The following LMOD1 variants were observed in gnomAD, a reference collection of about 807,000 sequenced individuals.
The protein encoded by LMOD1 is leiomodin-1.
LMOD1 carries 8 observed loss-of-function variants against 36.5 expected under a neutral mutation model. The ratio of observed to expected loss-of-function variants is 0.22; its 90% CI spans 0.13 to 0.40. The LOEUF is 0.40. Among genes scored for constraint, LMOD1 ranks in the 10% least tolerant of loss-of-function variants. The pLI, the probability that LMOD1 is intolerant of heterozygous loss-of-function variation, is 1.00. For synonymous variants in LMOD1, 284 were observed against 288.7 expected (o/e 0.98, Z 0.17); for missense variants, 630 against 751.1 (o/e 0.84, Z 1.88).
chr1:201,942,955 A>C (rs1197376812), intron 1 of LMOD1, among the ~76,000 whole-genome samples: 1 of 152,200 alleles, frequency 6.6e-6, no homozygotes, highest in East Asian at 1.9e-4. Flanking sequence ...AAAAGAAATT[A>C]ATAGAAATTC....
intron 1 of LMOD1, among the ~76,000 whole-genome samples, chr1:201,901,650 ATATATATGTG>A (rs1558234894): frequency 2.6e-4 from 10 of 37,740 alleles, no homozygotes; most frequent in African/African-American, 8.8e-4. Context: ...ATATATATAC[ATATATATGTG>A]TATATATATA....
intron 1 of LMOD1, among the ~76,000 whole-genome samples, chr1:201,905,407 A>G (rs1329603865): frequency 6.6e-6 from 1 of 152,202 alleles, no homozygotes; most frequent in Non-Finnish European, 1.5e-5. Context: ...AGAGCACAGC[A>G]TTTTCTCCCT....
intron 1 of LMOD1, among the ~76,000 whole-genome samples, chr1:201,927,104 CA>C (rs1681837664): frequency 1.3e-5 from 2 of 152,064 alleles, no homozygotes. Flanking sequence ...TCAAATAAAA[CA>C]AATTTAGAAA....
intron 1 of LMOD1, among the ~76,000 whole-genome samples, chr1:201,929,839 C>T (rs1480145323): frequency 6.6e-6 from 1 of 152,152 alleles, no homozygotes; most frequent in Non-Finnish European, 1.5e-5. Flanking sequence ...ACAGACAATG[C>T]TGAAATGATG....
intron 1 of LMOD1, among the ~76,000 whole-genome samples, chr1:201,926,400 G>A (rs2102923840): frequency 6.6e-6 from 1 of 152,270 alleles, no homozygotes; most frequent in African/African-American, 2.4e-5. Flanking sequence ...CCATCTCTCT[G>A]GGGATGGGCG....
At chr1:201,937,201 C>A (rs1336274993) in intron 1 of LMOD1, among the ~76,000 whole-genome samples, 1 of 151,866 alleles carries the variant, frequency 6.6e-6, no homozygotes, top group Non-Finnish European at 1.5e-5. Flanking sequence ...TATCCCAGCA[C>A]TTGGGAGGCC....
At chr1:201,910,248 T>C (rs1035346979) in intron 1 of LMOD1, among the ~76,000 whole-genome samples, 1 of 150,374 alleles carries the variant, frequency 6.7e-6, no homozygotes, top group African/African-American at 2.4e-5. Context: ...CCTTGAGGTC[T>C]TCCTTTCCCA....
intron 1 of LMOD1, among the ~76,000 whole-genome samples, chr1:201,930,894 G>A (rs1681906797): frequency 6.6e-6 from 1 of 152,208 alleles, no homozygotes; most frequent in East Asian, 1.9e-4. Context: ...ATGACAGAGT[G>A]GTTAAATTCC....
At chr1:201,932,318 C>G (rs539493861) in intron 1 of LMOD1, among the ~76,000 whole-genome samples, 3 of 152,070 alleles carry the variant, frequency 2.0e-5, no homozygotes, top group Non-Finnish European at 4.4e-5. Context: ...ATCTTTGGAA[C>G]AGATGAATCC....
intron 1 of LMOD1, among the ~76,000 whole-genome samples, chr1:201,902,615 T>G (rs1293336356): frequency 1.3e-5 from 2 of 151,982 alleles, no homozygotes; most frequent in Non-Finnish European, 2.9e-5. Context: ...CCCAGCTAAT[T>G]TTTGTATTTT....
At chr1:201,935,256 T>C (rs192132007) in intron 1 of LMOD1, among the ~76,000 whole-genome samples, 10 of 152,156 alleles carry the variant, frequency 6.6e-5, no homozygotes, top group Admixed American at 3.3e-4. Context: ...GGCTGACGCA[T>C]TGGGGGAAAG....
chr1:201,918,380 C>T (rs553481698), intron 1 of LMOD1, among the ~76,000 whole-genome samples: 1 of 152,282 alleles, frequency 6.6e-6, no homozygotes, highest in East Asian at 1.9e-4. Flanking sequence ...CCAGAAAGAC[C>T]TTTCAAAATG....
rs768840724 is a variant in LMOD1 at position 201,899,203 on chromosome 1, C to T, written c.1776+34G>A. 17 of 1,545,784 alleles carry T rather than the reference C, an allele frequency of 1.1e-5. No individual in the cohort carries two copies. Among genetic ancestry groups the T allele is most frequent in the Non-Finnish European group, 1.4e-5 (16 of 1,142,814 alleles). On this transcript the variant is annotated intron_variant, in intron 2 of 2. Coordinates refer to ENST00000367288, the MANE Select transcript of LMOD1 (RefSeq NM_012134.3). The surrounding 1 kb of genome is among the most constrained non-coding windows in gnomAD (Gnocchi z 6.3). ...CCCTCTCCTCCAGGCCCTACCCAGC[C>T]CCGCCCTGTTGGCTCATGCCCACAA... is the stretch of plus-strand genomic sequence containing the variant.
chr1:201,913,193 A>AG (rs1277157684), intron 1 of LMOD1, among the ~76,000 whole-genome samples: 11 of 152,178 alleles, frequency 7.2e-5, no homozygotes, highest in African/African-American at 2.7e-4. Flanking sequence ...AGCTGGAAAG[A>AG]AGTTGAGTTT....
In LMOD1 at chr1:201,896,816, G is replaced by T. The variant is rs111828487; in HGVS notation, c.*1556C>A. The T allele has an allele frequency of 2.3e-6, 1 of 435,434 alleles. No homozygotes were observed. The highest frequency in any genetic ancestry group is 4.7e-6 in the Non-Finnish European group (1 of 214,862). 27.0% of individuals were successfully genotyped at this position (435,434 alleles called of 1,614,324 possible). On this transcript the variant is annotated 3_prime_UTR_variant, in exon 3 of 3. Coordinates refer to ENST00000367288, the MANE Select transcript of LMOD1 (RefSeq NM_012134.3). ...GAAGAGTGTACCCTGGGATCTGAGG[G>T]CTTTACCCCCAGGACTAGACTGCCC...
intron 1 of LMOD1, among the ~76,000 whole-genome samples, chr1:201,934,659 C>T (rs1681986640): frequency 6.6e-6 from 1 of 152,158 alleles, no homozygotes; most frequent in Non-Finnish European, 1.5e-5. Flanking sequence ...ATCTCCAATC[C>T]TTATCCATAT....
rs189428418 is a variant in LMOD1 at position 201,908,789 on chromosome 1, A to G, written c.262-8038T>C. The stretch of plus-strand genomic sequence containing the variant: ...AGTGCACCATCCCCAAATAACCCAC[A>G]TGGAAACTGTCCGAAATGGAAGGGA... On this transcript the variant is annotated intron_variant, in intron 1 of 2. Coordinates refer to ENST00000367288, the MANE Select transcript of LMOD1 (RefSeq NM_012134.3). Among the ~76,000 whole-genome samples the G allele has an allele frequency of 3.9e-3, 595 of 152,274 alleles. 5 individuals carry two copies. The highest frequency in any genetic ancestry group is 0.014 in the African/African-American group (571 of 41,554).
In LMOD1 at chr1:201,939,768, G is replaced by A. The variant is rs867299067; in HGVS notation, c.261+6312C>T. ...TTGTTCCTCTGCTCCTGCTGTGTGT[G>A]TGTGTGTGTGTGTGTGTGTATACAC... is the stretch of plus-strand genomic sequence containing the variant. On this transcript the variant is annotated intron_variant, in intron 1 of 2. Transcript: ENST00000367288. Among the ~76,000 whole-genome samples the A allele has an allele frequency of 9.0e-3, 1,365 of 151,724 alleles. 23 individuals carry two copies. The highest frequency in any genetic ancestry group is 0.031 in the African/African-American group (1,295 of 41,400).
In LMOD1 at chr1:201,899,798, C is replaced by G. The variant is rs763315994; in HGVS notation, c.1215G>C (p.Leu405=). 1.9e-6 allele frequency: 3 copies of G among 1,614,006 alleles called. No homozygotes were observed. The highest frequency in any genetic ancestry group is 1.1e-5 in the South Asian group (1 of 91,082). ...TCTGGAGGAGGGCCCGGAAGATGGC[C>G]AGGATGCCTTTGCCTGTGATGTGGT... ...DSNHITGKGI[L]AIFRALLQNN... Residue 405 remains leucine (L), a synonymous_variant, in exon 2 of 3, where the codon CTG becomes CTC. Transcript: ENST00000367288. The surrounding 1 kb of genome is among the most constrained non-coding windows in gnomAD (Gnocchi z 6.3).
Sources: gnomAD v4.1 joint callset for allele counts (sites outside exome capture counted in the v4.1 genomes callset) on GRCh38, gnomAD v4.1.1 for gene constraint, Gnocchi (gnomAD v3.1) non-coding constraint, MANE v1.5 for transcripts, NCBI Gene and HGNC (gene_info 2026-07-23, HGNC 2026-07-21) for gene names.